The following CAPN13 variants were observed in gnomAD, a reference collection of about 807,000 sequenced individuals.
The protein encoded by CAPN13 is calpain-13.
In CAPN13, 90 loss-of-function variants were observed where a neutral mutation model predicts 98.4. That is an observed-to-expected ratio of 0.92 (90% CI 0.77 to 1.09). The LOEUF (loss-of-function observed/expected upper bound fraction) is 1.09. Among genes scored for constraint, CAPN13 ranks in the 50% least tolerant of loss-of-function variants. The probability of loss-of-function intolerance (pLI) is 0.00; values close to 1 mark genes in which losing one functional copy is unlikely to be tolerated. For synonymous variants in CAPN13, 330 were observed against 305.5 expected (o/e 1.08, Z -0.84); for missense variants, 887 against 841.3 (o/e 1.05, Z -0.67).
At chr2:30,777,227 G>A (rs1176355161) in intron 3 of CAPN13, among the ~76,000 whole-genome samples, 1 of 152,250 alleles carries the variant, frequency 6.6e-6, no homozygotes, top group African/African-American at 2.4e-5. Flanking sequence ...CAGTCAGAGA[G>A]TGCTGGATTC....
chr2:30,800,602 C>T (rs1387194300), intron 1 of CAPN13, among the ~76,000 whole-genome samples: 1 of 152,246 alleles, frequency 6.6e-6, no homozygotes, highest in Non-Finnish European at 1.5e-5. Context: ...TGGTCTCGCA[C>T]TTCTAAGTGC....
Position 30,802,659 on chromosome 2 carries a change from G to T in CAPN13, c.-33+4643C>A, listed in dbSNP as rs992494896. On this transcript the variant is annotated intron_variant, in intron 1 of 22. Coordinates refer to ENST00000295055, the MANE Select transcript of CAPN13 (RefSeq NM_144575.3). Reference sequence around the variant, plus strand: ...GAGCTTCTGAAAGCAAGGACTGAGGGCAAGAAGGAAAGACAGAGGAAAGAG... The same window carrying T: ...GAGCTTCTGAAAGCAAGGACTGAGGTCAAGAAGGAAAGACAGAGGAAAGAG... Among the ~76,000 whole-genome samples, 21 of 152,166 alleles carry T rather than the reference G, an allele frequency of 1.4e-4. 1 individual carries two copies. Among genetic ancestry groups the T allele is most frequent in the Admixed American group, 5.9e-4 (9 of 15,288 alleles).
intron 1 of CAPN13, among the ~76,000 whole-genome samples, chr2:30,791,217 A>C (rs547457363): frequency 6.6e-5 from 10 of 152,376 alleles, no homozygotes; most frequent in African/African-American, 2.4e-4. Flanking sequence ...CAAATGACAG[A>C]GCAGCAACAG....
At chr2:30,803,975 G>C (rs1675449286) in intron 1 of CAPN13, among the ~76,000 whole-genome samples, 1 of 152,176 alleles carries the variant, frequency 6.6e-6, no homozygotes, top group Admixed American at 6.5e-5. Context: ...ATTGGTAAAA[G>C]CTTCTCATGC....
chr2:30,745,006 A>G (rs1572804287), intron 12 of CAPN13, among the ~76,000 whole-genome samples: 1 of 152,122 alleles, frequency 6.6e-6, no homozygotes, highest in Non-Finnish European at 1.5e-5. Flanking sequence ...CTGGGCCACC[A>G]CTGTCACAGG....
intron 1 of CAPN13, among the ~76,000 whole-genome samples, chr2:30,802,091 C>T (rs1050321947): frequency 1.3e-5 from 2 of 152,182 alleles, no homozygotes; most frequent in Non-Finnish European, 2.9e-5. Flanking sequence ...CCTGGCCATT[C>T]TGGGTCTCTC....
intron 7 of CAPN13, among the ~76,000 whole-genome samples, chr2:30,761,543 T>C (rs1409090583): frequency 6.6e-6 from 1 of 152,100 alleles, no homozygotes; most frequent in Non-Finnish European, 1.5e-5. Flanking sequence ...GGTACACGAA[T>C]CCCTTCTCCC....
intron 1 of CAPN13, among the ~76,000 whole-genome samples, chr2:30,802,055 C>T (rs1218619620): frequency 8.5e-5 from 13 of 152,274 alleles, no homozygotes; most frequent in South Asian, 2.1e-4. Context: ...ACCCCTGGCC[C>T]GGTTACCTGG....
rs76437266 is a variant in CAPN13, at chr2:30,789,684, G to C, written c.-32-2327C>G. Among the ~76,000 whole-genome samples the C allele has an allele frequency of 6.7e-4, 102 of 152,324 alleles. 1 individual carries two copies. Among genetic ancestry groups the C allele is most frequent in the African/African-American group, 2.3e-3 (97 of 41,570 alleles). On this transcript the variant is annotated intron_variant, in intron 1 of 22. Transcript: ENST00000295055. ...TACACATGTTATAGGGTTGTTGTGA[G>C]ACTCAGATGAAACCATGCTCCCAGA...
In CAPN13 at chr2:30,770,408, G is replaced by T. The variant is rs752620159; in HGVS notation, c.429C>A (p.Asp143Glu). The T allele has an allele frequency of 6.2e-7, 1 of 1,614,010 alleles. No individual in the cohort carries two copies. Among genetic ancestry groups the T allele is most frequent in the Non-Finnish European group, 8.5e-7 (1 of 1,179,886 alleles). The change falls in exon 5 of 23, where the codon GAC becomes GAA. Residue 143 changes from aspartate (D) to glutamate (E), a missense_variant. Coordinates refer to ENST00000295055, the MANE Select transcript of CAPN13 (RefSeq NM_144575.3). Reference sequence around the variant, plus strand: ...ATTTATCTCCCTGGACAGGTAGGCGGTCATCAATCACCACTTCCACCCACT... The same window carrying T: ...ATTTATCTCCCTGGACAGGTAGGCGTTCATCAATCACCACTTCCACCCACT... ...CGQWVEVVID[D>E]RLPVQGDKCL...
chr2:30,759,556 G>C (rs1453213709), intron 7 of CAPN13, among the ~76,000 whole-genome samples: 2 of 152,228 alleles, frequency 1.3e-5, no homozygotes, highest in Admixed American at 6.5e-5. Flanking sequence ...TTGGTCAGAG[G>C]AGAAGGACAA....
intron 20 of CAPN13, among the ~76,000 whole-genome samples, chr2:30,731,934 G>T (rs914522133): frequency 3.9e-5 from 6 of 152,124 alleles, no homozygotes; most frequent in Admixed American, 3.9e-4. Context: ...CAATCATGGT[G>T]GCCCCACTGT....
At chr2:30,741,613 G>C (rs1671660352) in intron 15 of CAPN13, 2 of 1,166,742 alleles carry the variant, frequency 1.7e-6, no homozygotes, top group South Asian at 5.5e-5. Context: ...ACTGCCAATT[G>C]CTTGTTTAAA....
intron 22 of CAPN13, among the ~76,000 whole-genome samples, chr2:30,730,389 G>A (rs1671023865): frequency 6.6e-6 from 1 of 152,034 alleles, no homozygotes; most frequent in Admixed American, 6.5e-5. Flanking sequence ...TACCATTTCT[G>A]TTGCTCTACA....
At chr2:30,768,379 C>T (rs1472210690) in intron 5 of CAPN13, among the ~76,000 whole-genome samples, 1 of 152,172 alleles carries the variant, frequency 6.6e-6, no homozygotes, top group South Asian at 2.1e-4. Context: ...AAATGTGGAG[C>T]GAGGAGGCAG....
chr2:30,746,528 C>G (rs1361547296), intron 11 of CAPN13: 1 of 161,686 alleles, frequency 6.2e-6, no homozygotes, highest in Non-Finnish European at 1.4e-5. Context: ...CGTGGTAGAA[C>G]TTACGGCCCT....
chr2:30,731,339 C>T lies in CAPN13; in HGVS notation c.1983+5G>A, dbSNP rs1431937233. 1.2e-6 allele frequency: 2 copies of T among 1,608,474 alleles called. No individual in the cohort carries two copies. The highest frequency in any genetic ancestry group is 4.5e-5 in the East Asian group (2 of 44,424). On this transcript the variant is annotated splice_donor_5th_base_variant and intron_variant, in intron 21 of 22. Coordinates refer to ENST00000295055, the MANE Select transcript of CAPN13 (RefSeq NM_144575.3). ...GCCTGCCCCGGGGAGGGGAAGGTAC[C>T]TCACCTCCATTTCTGTCAGGTAGAG...
Position 30,776,124 on chromosome 2 carries a change from A to G in CAPN13, c.272-79T>C, listed in dbSNP as rs1272616892. The G allele has an allele frequency of 4.8e-6, 4 of 841,364 alleles. No homozygotes were observed. In the East Asian group the frequency reaches 7.9e-5, roughly 17 times the overall value. 52.1% of individuals were successfully genotyped at this position (841,364 alleles called of 1,614,324 possible). On this transcript the variant is annotated intron_variant, in intron 3 of 22. Coordinates refer to ENST00000295055, the MANE Select transcript of CAPN13 (RefSeq NM_144575.3). ...CCCCATAATTTCAAAGGTCCTTACC[A>G]CCAGAGGCTACACAATTCCTTCTAA...
At chr2:30,732,380 T>A in intron 20 of CAPN13, 58 bp downstream of exon 20, 1 of 1,605,230 alleles carries the variant, frequency 6.2e-7, no homozygotes, top group Non-Finnish European at 8.5e-7. Context: ...TGTCCGGTCC[T>A]CTCCTGTGTT....
Sources: gnomAD v4.1 joint callset for allele counts (sites outside exome capture counted in the v4.1 genomes callset) on GRCh38, gnomAD v4.1.1 for gene constraint, MANE v1.5 for transcripts, NCBI Gene and HGNC (gene_info 2026-07-23, HGNC 2026-07-21) for gene names.